Variants in TXNRD1 observed in about 807,000 individuals in gnomAD.
TXNRD1 encodes the protein thioredoxin reductase 1.
A neutral mutation model predicts 80.3 loss-of-function variants in TXNRD1; 57 were observed. The ratio of observed to expected loss-of-function variants is 0.71; its 90% CI spans 0.57 to 0.89. The LOEUF (loss-of-function observed/expected upper bound fraction) is 0.89, where lower values mean the gene tolerates loss of function less well. Ranked by LOEUF, TXNRD1 falls within the 40% of genes least tolerant of loss-of-function variation. TXNRD1 has a pLI of 0.00. For missense variants in TXNRD1, 730 were observed against 803.0 expected (o/e 0.91, Z 1.10); for synonymous variants, 291 against 285.2 (o/e 1.02, Z -0.20).
chr12:104,256,322 G>A (rs1302598598), intron 2 of TXNRD1, among the ~76,000 whole-genome samples: 1 of 152,190 alleles, frequency 6.6e-6, no homozygotes, highest in African/African-American at 2.4e-5. Flanking sequence ...GTTACCATAT[G>A]TGTTTTGCGT....
intron 3 of TXNRD1, among the ~76,000 whole-genome samples, chr12:104,267,695 T>TTCTC (rs1255875760): frequency 8.7e-5 from 3 of 34,602 alleles, no homozygotes; most frequent in Non-Finnish European, 2.3e-4. Context: ...CTTTCTTTCT[T>TTCTC]TCTTTCTCTC....
At chr12:104,285,170 T>TCAAACAAA (rs753752114) in intron 3 of TXNRD1, among the ~76,000 whole-genome samples, 2 of 151,912 alleles carry the variant, frequency 1.3e-5, no homozygotes, top group Admixed American at 6.6e-5. Context: ...CAAGAGACTG[T>TCAAACAAA]CAAACAAACA....
chr12:104,225,527 GT>G (rs1179099527), intron 1 of TXNRD1, among the ~76,000 whole-genome samples: 1 of 152,096 alleles, frequency 6.6e-6, no homozygotes, highest in African/African-American at 2.4e-5. Context: ...CATGGGGGTG[GT>G]TTCTGCCATG....
chr12:104,329,988 GTGTTGC>G (rs2035895570), intron 13 of TXNRD1, among the ~76,000 whole-genome samples: 1 of 152,226 alleles, frequency 6.6e-6, no homozygotes, highest in Non-Finnish European at 1.5e-5. Context: ...GTCTTAAAAT[GTGTTGC>G]TTCATCCCTG....
intron 3 of TXNRD1, among the ~76,000 whole-genome samples, chr12:104,258,610 G>C: frequency 6.6e-6 from 1 of 152,072 alleles, no homozygotes; most frequent in Non-Finnish European, 1.5e-5. Context: ...AAAATCCCAA[G>C]GGCTCACAGA....
At chr12:104,300,991 C>G (rs1335583256) in intron 4 of TXNRD1, among the ~76,000 whole-genome samples, 1 of 152,148 alleles carries the variant, frequency 6.6e-6, no homozygotes, top group Non-Finnish European at 1.5e-5. Flanking sequence ...GTCTGCCTTT[C>G]TTAGGATGAT....
intron 15 of TXNRD1, among the ~76,000 whole-genome samples, chr12:104,337,242 C>T (rs2036169460): frequency 1.3e-5 from 2 of 151,880 alleles, no homozygotes; most frequent in South Asian, 2.1e-4. Flanking sequence ...ATCGTCAGGG[C>T]GAATATGTGT....
chr12:104,304,392 C>CTAT (rs1400537407), intron 4 of TXNRD1: 1 of 1,613,858 alleles, frequency 6.2e-7, no homozygotes, highest in African/African-American at 1.3e-5. Flanking sequence ...TTCTGGAAGG[C>CTAT]AATAGAAAAG....
chr12:104,331,472 A>G lies in TXNRD1; in HGVS notation c.1543-62A>G, dbSNP rs1191531366. Reference sequence around the variant, plus strand: ...CCTTTGTCAATTTTGACTTTTTTGAATACCTTTTTTTTTAAGTTATAACTT... The same window carrying G: ...CCTTTGTCAATTTTGACTTTTTTGAGTACCTTTTTTTTTAAGTTATAACTT... On this transcript the variant is annotated intron_variant, in intron 13 of 16. Coordinates refer to ENST00000525566, the MANE Select transcript of TXNRD1 (RefSeq NM_001093771.3). 5.3e-6 allele frequency: 6 copies of G among 1,142,010 alleles called. No individual in the cohort carries two copies. In the African/African-American group the frequency reaches 7.8e-5, roughly 15 times the overall value. The allele number at this position is 1,142,010 out of a possible 1,614,324, so 70.7% of individuals were successfully genotyped here. A position where few individuals can be genotyped will look rare whatever the true frequency, so the allele number is the denominator to read the frequency against.
intron 3 of TXNRD1, among the ~76,000 whole-genome samples, chr12:104,276,142 C>T (rs528313146): frequency 5.2e-4 from 79 of 152,182 alleles, no homozygotes; most frequent in Non-Finnish European, 9.0e-4. Flanking sequence ...CATTTGAAGG[C>T]GGAATGGCTT....
chr12:104,273,039 C>T lies in TXNRD1; in HGVS notation c.304+14960C>T, dbSNP rs1039479863. ...ATAGATAATTTTCAGTCTCCGGCTGCGGCTGCGAAAGAAGCCGCCATGTCT... is the reference window on the plus strand; with the variant it reads ...ATAGATAATTTTCAGTCTCCGGCTGTGGCTGCGAAAGAAGCCGCCATGTCT... On this transcript the variant is annotated intron_variant, in intron 3 of 16. Transcript: ENST00000525566. 3.3e-5 allele frequency among the ~76,000 whole-genome samples: 5 copies of T among 152,152 alleles called. No homozygotes were observed. In the East Asian group the frequency reaches 5.8e-4, roughly 18 times the overall value.
At chr12:104,217,771 T>G (rs1359313529) in intron 1 of TXNRD1, among the ~76,000 whole-genome samples, 1 of 152,174 alleles carries the variant, frequency 6.6e-6, no homozygotes, top group Non-Finnish European at 1.5e-5. Context: ...TATCCATCAT[T>G]CTACTTTCTG....
At chr12:104,323,776 C>T (rs1565903614) in intron 10 of TXNRD1, among the ~76,000 whole-genome samples, 1 of 143,924 alleles carries the variant, frequency 6.9e-6, no homozygotes, top group Non-Finnish European at 1.5e-5. Context: ...CCCCTCACCT[C>T]CCGGACGGGG....
chr12:104,269,389 G>C (rs1159966831), intron 3 of TXNRD1, among the ~76,000 whole-genome samples: 1 of 141,710 alleles, frequency 7.1e-6, no homozygotes, highest in African/African-American at 2.6e-5. Flanking sequence ...TTCTTTTTCT[G>C]TGTTTCTTTC....
At chr12:104,259,490 C>CTTT (rs574276851) in intron 3 of TXNRD1, among the ~76,000 whole-genome samples, 1 of 128,728 alleles carries the variant, frequency 7.8e-6, no homozygotes, top group Non-Finnish European at 1.6e-5. Context: ...AGTTTCATTT[C>CTTT]TTTTTTTTTT....
At chr12:104,238,010 CA>C (rs1418372185) in intron 1 of TXNRD1, among the ~76,000 whole-genome samples, 10 of 132,182 alleles carry the variant, frequency 7.6e-5, no homozygotes, top group South Asian at 4.8e-4. Context: ...GACTTCATCT[CA>C]AAAAAAAAAG....
chr12:104,334,233 T>A lies in TXNRD1; in HGVS notation c.1651-4T>A. 1 of 1,503,860 alleles carries A rather than the reference T, an allele frequency of 6.6e-7. No homozygotes were observed. The highest frequency in any genetic ancestry group is 8.9e-7 in the Non-Finnish European group (1 of 1,123,362). 93.2% of individuals were successfully genotyped at this position (1,503,860 alleles called of 1,614,324 possible). A position where few individuals can be genotyped will look rare whatever the true frequency, so the allele number is the denominator to read the frequency against. ...GTCTAAATTTTGCTTTTGTATCTTC[T>A]TAGGTTTACCATAGTTACTTTTGGC... On this transcript the variant is annotated splice_polypyrimidine_tract_variant and splice_region_variant and intron_variant, in intron 14 of 16. Transcript: ENST00000525566.
At chr12:104,310,678 G>A (rs2035102296) in intron 4 of TXNRD1, among the ~76,000 whole-genome samples, 1 of 152,120 alleles carries the variant, frequency 6.6e-6, no homozygotes, top group African/African-American at 2.4e-5. Flanking sequence ...TCTGTTACTT[G>A]CTAAGTATAT....
At chr12:104,332,773 A>G (rs2036003372) in intron 14 of TXNRD1, among the ~76,000 whole-genome samples, 1 of 145,146 alleles carries the variant, frequency 6.9e-6, no homozygotes, top group South Asian at 2.2e-4. Flanking sequence ...AAAAAAAAAG[A>G]ATAGTATATC....
Sources: allele counts gnomAD v4.1 joint callset (sites outside exome capture counted in the v4.1 genomes callset), GRCh38; gene constraint gnomAD v4.1.1; transcripts MANE v1.5; gene names NCBI Gene and HGNC (gene_info 2026-07-23, HGNC 2026-07-21).